SLC9A9: variants seen among roughly 807,000 people sequenced by gnomAD.
SLC9A9 encodes the protein sodium/hydrogen exchanger 9.
A neutral mutation model predicts 77.8 loss-of-function variants in SLC9A9; 62 were observed. The ratio of observed to expected loss-of-function variants is 0.80; its 90% confidence interval spans 0.65 to 0.98. The LOEUF (loss-of-function observed/expected upper bound fraction) is 0.98, where lower values mean the gene tolerates loss of function less well. SLC9A9 is among the 50% of genes least tolerant of loss of function. The pLI is 0.00. For synonymous variants in SLC9A9, 320 were observed against 283.5 expected (o/e 1.13, Z -1.29); for missense variants, 775 against 774.9 (o/e 1.00, Z 0.00).
At chr3:143,520,032 G>T (rs9872790) in intron 9 of SLC9A9, among the ~76,000 whole-genome samples, 71,558 of 151,930 alleles carry the variant, frequency 0.47, 17,062 homozygotes, top group Middle Eastern at 0.66. Flanking sequence ...CTCCAGGCTG[G>T]AGATGTATAT....
chr3:143,298,926 G>A (rs191794116), intron 14 of SLC9A9, among the ~76,000 whole-genome samples: 2 of 152,266 alleles, frequency 1.3e-5, no homozygotes, highest in Admixed American at 6.5e-5. Context: ...TTGAGTTTGT[G>A]ATCTTATTCA....
intron 12 of SLC9A9, among the ~76,000 whole-genome samples, chr3:143,462,263 C>T (rs952263681): frequency 1.3e-5 from 2 of 152,062 alleles, no homozygotes; most frequent in Non-Finnish European, 2.9e-5. Context: ...GTCTCAGCTA[C>T]TTGAGAGGCT....
chr3:143,367,498 C>T lies in SLC9A9; in HGVS notation c.1525-3935G>A, dbSNP rs182854452. Reference sequence around the variant, plus strand: ...TCTGAAGTTACTGATGACTTAATAACTTGGTTATGAAAGGCCATCAATAAA... The same window carrying T: ...TCTGAAGTTACTGATGACTTAATAATTTGGTTATGAAAGGCCATCAATAAA... On this transcript the variant is annotated intron_variant, in intron 13 of 15. Transcript: ENST00000316549. Among the ~76,000 whole-genome samples the T allele has an allele frequency of 7.6e-4, 116 of 152,272 alleles. 1 individual carries two copies. The highest frequency in any genetic ancestry group is 6.8e-3 in the Middle Eastern group (2 of 294).
chr3:143,268,732 CAA>C (rs11312794), intron 15 of SLC9A9, 141 bp downstream of exon 15: 20,387 of 222,164 alleles, frequency 0.092, 6 homozygotes, highest in Middle Eastern at 0.13. Flanking sequence ...GACTCCGTCT[CAA>C]AAAAAAAAAA....
At chr3:143,452,756 T>C (rs2035030643) in intron 12 of SLC9A9, among the ~76,000 whole-genome samples, 1 of 152,068 alleles carries the variant, frequency 6.6e-6, no homozygotes, top group South Asian at 2.1e-4. Context: ...GCAATAACGG[T>C]ACTTTGGTTA....
At chr3:143,657,694 A>G (rs1476012638) in intron 5 of SLC9A9, among the ~76,000 whole-genome samples, 1 of 152,238 alleles carries the variant, frequency 6.6e-6, no homozygotes, top group East Asian at 1.9e-4. Flanking sequence ...AGAGCTTTGC[A>G]GAAATGTGAA....
intron 1 of SLC9A9, among the ~76,000 whole-genome samples, chr3:143,846,918 C>T (rs186666572): frequency 3.3e-4 from 50 of 152,126 alleles, no homozygotes; most frequent in African/African-American, 1.1e-3. Context: ...TCCCCACTCC[C>T]AAGCAAAAAA....
intron 9 of SLC9A9, among the ~76,000 whole-genome samples, chr3:143,526,766 A>G (rs950821556): frequency 6.6e-6 from 1 of 152,250 alleles, no homozygotes; most frequent in African/African-American, 2.4e-5. Context: ...GCTTTGAAAG[A>G]TATTAATGTA....
chr3:143,713,730 C>CA (rs568177186), intron 4 of SLC9A9, among the ~76,000 whole-genome samples: 1 of 151,892 alleles, frequency 6.6e-6, no homozygotes, highest in African/African-American at 2.4e-5. Flanking sequence ...AATAAACAAA[C>CA]AAAAAACACA....
At chr3:143,485,728 A>G (rs1413785245) in intron 11 of SLC9A9, among the ~76,000 whole-genome samples, 2 of 152,148 alleles carry the variant, frequency 1.3e-5, no homozygotes, top group African/African-American at 4.8e-5. Context: ...ACAGGATAGT[A>G]TGGCCATTCA....
chr3:143,843,985 G>A (rs2009769126), intron 1 of SLC9A9, among the ~76,000 whole-genome samples: 1 of 152,108 alleles, frequency 6.6e-6, no homozygotes. Flanking sequence ...ACCCATTACT[G>A]TTCCTGGTGA....
chr3:143,739,912 C>G (rs1935036350), intron 4 of SLC9A9, among the ~76,000 whole-genome samples: 2 of 152,180 alleles, frequency 1.3e-5, no homozygotes, highest in Admixed American at 1.3e-4. Context: ...ATGAACCCTT[C>G]AAGTTTGTTT....
At chr3:143,295,532 G>A (rs2030225759) in intron 14 of SLC9A9, among the ~76,000 whole-genome samples, 1 of 152,300 alleles carries the variant, frequency 6.6e-6, no homozygotes, top group Non-Finnish European at 1.5e-5. Context: ...TGATTAAATA[G>A]TCCATGAGGT....
intron 4 of SLC9A9, among the ~76,000 whole-genome samples, chr3:143,708,248 A>G (rs1317417462): frequency 1.3e-5 from 2 of 152,090 alleles, no homozygotes; most frequent in Non-Finnish European, 2.9e-5. Flanking sequence ...ATTCAGTTTG[A>G]AAGGGGATCC....
At chr3:143,524,362 AGTTGTCTCTGTCAAGCTG>A in intron 9 of SLC9A9, among the ~76,000 whole-genome samples, 1 of 152,110 alleles carries the variant, frequency 6.6e-6, no homozygotes, top group African/African-American at 2.4e-5. Context: ...TGATGGCCTC[AGTTGTCTCTGTCAAGCTG>A]AGGGCAAGAT....
chr3:143,779,182 T>C (rs1576720425), intron 4 of SLC9A9, among the ~76,000 whole-genome samples: 1 of 152,298 alleles, frequency 6.6e-6, no homozygotes, highest in South Asian at 2.1e-4. Context: ...AGTCTCAAAC[T>C]TTACTGTTGT....
At position 143,265,894 on chromosome 3, in the gene SLC9A9, G is replaced by T. The variant is rs1418285945; in HGVS notation, c.*808C>A. The T allele has an allele frequency of 3.3e-6, 2 of 608,328 alleles. No individual in the cohort carries two copies. The highest frequency in any genetic ancestry group is 5.9e-6 in the Non-Finnish European group (2 of 339,130). 37.7% of individuals were successfully genotyped at this position (608,328 alleles called of 1,614,324 possible). On this transcript the variant is annotated 3_prime_UTR_variant, in exon 16 of 16. Transcript: ENST00000316549. ...TACCCTCCAGCATATCGCGGGGAGG[G>T]GGGGACCTGCTGCACAGCCAAGAAG...
chr3:143,813,919 C>A (rs1208963696), intron 2 of SLC9A9, among the ~76,000 whole-genome samples: 1 of 152,152 alleles, frequency 6.6e-6, no homozygotes, highest in Non-Finnish European at 1.5e-5. Context: ...GAAGGGAAAC[C>A]ATTGCCAGGC....
chr3:143,497,887 T>C (rs2035862577), intron 9 of SLC9A9, among the ~76,000 whole-genome samples: 1 of 152,220 alleles, frequency 6.6e-6, no homozygotes, highest in Admixed American at 6.5e-5. Flanking sequence ...CCCCCTCACC[T>C]CCACCATCCA....
Sources: allele counts gnomAD v4.1 joint callset (sites outside exome capture counted in the v4.1 genomes callset), GRCh38; gene constraint gnomAD v4.1.1; transcripts MANE v1.5; gene names NCBI Gene and HGNC (gene_info 2026-07-23, HGNC 2026-07-21).